Variants in MYO16 observed in about 807,000 individuals in gnomAD.
MYO16 encodes the protein unconventional myosin-XVI.
In MYO16, 94 loss-of-function variants were observed where a neutral mutation model predicts 205.3. The ratio of observed to expected loss-of-function variants is 0.46; its 90% CI spans 0.39 to 0.54. The LOEUF (loss-of-function observed/expected upper bound fraction) is 0.54, where lower values mean the gene tolerates loss of function less well. Ranked by LOEUF, MYO16 falls within the 20% of genes least tolerant of loss-of-function variation. The pLI, the probability that MYO16 is intolerant of heterozygous loss-of-function variation, is 0.00. For synonymous variants in MYO16, 988 were observed against 954.0 expected (o/e 1.04, Z -0.66); for missense variants, 2,315 against 2,387.5 (o/e 0.97, Z 0.63).
In MYO16 at chr13:109,175,879, G is replaced by A. The variant is rs116064081; in HGVS notation, c.5324-3663G>A. Among the ~76,000 whole-genome samples, 514 of 151,894 alleles carry A rather than the reference G, an allele frequency of 3.4e-3. 2 individuals carry two copies. Among genetic ancestry groups the A allele is most frequent in the African/African-American group, 0.012 (475 of 41,230 alleles). ...CGCCGTGGGATTCTCTACCCACGCA[G>A]GACTGTGGGACTTTTCTGGAGGCCT... On this transcript the variant is annotated intron_variant, in intron 33 of 34. Transcript: ENST00000457511.
chr13:108,550,929 C>G, the MYO16 span, among the ~76,000 whole-genome samples: 1 of 152,200 alleles, frequency 6.6e-6, no homozygotes, highest in Non-Finnish European at 1.5e-5. Flanking sequence ...ACATTTTACA[C>G]ATTTGATAAA....
At chr13:109,080,168 T>A (rs2139668058) in intron 27 of MYO16, among the ~76,000 whole-genome samples, 1 of 152,232 alleles carries the variant, frequency 6.6e-6, no homozygotes, top group African/African-American at 2.4e-5. Flanking sequence ...AGCCACCATG[T>A]CCAGCCTGAA....
At position 108,619,859 on chromosome 13, in the gene MYO16, G is replaced by A. The variant is rs188927906; in HGVS notation, c.-39+23620G>A. On this transcript the variant is annotated intron_variant, in intron 1 of 24. Transcript: ENST00000251041. ...AAGTTCATCAGGCAAGGGACGATGCGCGGTGAGGAAGGTAGAAAAAATGTG... is the reference window on the plus strand; with the variant it reads ...AAGTTCATCAGGCAAGGGACGATGCACGGTGAGGAAGGTAGAAAAAATGTG... Among the ~76,000 whole-genome samples, 8 of 152,168 alleles carry A rather than the reference G, an allele frequency of 5.3e-5. No individual in the cohort carries two copies. In the East Asian group the frequency reaches 5.8e-4, roughly 11 times the overall value.
chr13:108,873,289 C>T (rs1566381963), intron 12 of MYO16, among the ~76,000 whole-genome samples: 1 of 152,180 alleles, frequency 6.6e-6, no homozygotes, highest in Non-Finnish European at 1.5e-5. Flanking sequence ...AATGACTTCT[C>T]CATTTCATAT....
the MYO16 span, among the ~76,000 whole-genome samples, chr13:108,517,800 A>G: frequency 6.6e-6 from 1 of 152,172 alleles, no homozygotes; most frequent in Non-Finnish European, 1.5e-5. Flanking sequence ...TATAGACAAC[A>G]TAACTTTAGC....
intron 1 of MYO16, among the ~76,000 whole-genome samples, chr13:108,599,071 T>C (rs1344403115): frequency 6.7e-6 from 1 of 148,184 alleles, no homozygotes; most frequent in Non-Finnish European, 1.5e-5. Context: ...AATTCCAATC[T>C]ATGAGTGAGA....
At chr13:108,765,694 C>T (rs1024506377) in intron 4 of MYO16, among the ~76,000 whole-genome samples, 4 of 152,284 alleles carry the variant, frequency 2.6e-5, no homozygotes, top group Middle Eastern at 3.4e-3. Flanking sequence ...CCATGGCAAA[C>T]GTTTTACTGT....
At chr13:109,192,010 A>G (rs746941950) in intron 34 of MYO16, among the ~76,000 whole-genome samples, 1 of 152,214 alleles carries the variant, frequency 6.6e-6, no homozygotes, top group Non-Finnish European at 1.5e-5. Flanking sequence ...TTGAAAGCGA[A>G]ATTCAGGCTA....
At chr13:108,769,513 C>A (rs1885892023) in intron 4 of MYO16, among the ~76,000 whole-genome samples, 1 of 152,030 alleles carries the variant, frequency 6.6e-6, no homozygotes, top group South Asian at 2.1e-4. Flanking sequence ...GAGGGGGAGG[C>A]AATGAAAAGT....
intron 4 of MYO16, among the ~76,000 whole-genome samples, chr13:108,777,906 C>A (rs1419793952): frequency 1.3e-5 from 2 of 152,296 alleles, no homozygotes; most frequent in East Asian, 1.9e-4. Flanking sequence ...ATCTGCTATT[C>A]CCATATTCTT....
intron 21 of MYO16, among the ~76,000 whole-genome samples, chr13:109,003,457 G>T (rs1594461140): frequency 6.6e-6 from 1 of 152,308 alleles, no homozygotes; most frequent in African/African-American, 2.4e-5. Flanking sequence ...GACGCTGTAG[G>T]TTTTATCAAT....
chr13:108,585,723 AG>A, the MYO16 span, among the ~76,000 whole-genome samples: 1 of 152,188 alleles, frequency 6.6e-6, no homozygotes, highest in East Asian at 1.9e-4. Context: ...CAGATTGAAA[AG>A]TAAGTCACAA....
At chr13:109,116,429 G>A (rs1233092793) in intron 28 of MYO16, among the ~76,000 whole-genome samples, 2 of 151,902 alleles carry the variant, frequency 1.3e-5, no homozygotes, top group Admixed American at 6.6e-5. Flanking sequence ...TTTGTGCTTC[G>A]ATTGCAACGC....
intron 34 of MYO16, among the ~76,000 whole-genome samples, chr13:109,186,378 G>A (rs1288420558): frequency 2.0e-5 from 3 of 152,092 alleles, no homozygotes; most frequent in Non-Finnish European, 4.4e-5. Flanking sequence ...GGTGCCTCAG[G>A]GGGACAGATG....
At chr13:108,528,366 G>T in the MYO16 span, among the ~76,000 whole-genome samples, 3 of 152,132 alleles carry the variant, frequency 2.0e-5, no homozygotes, top group Non-Finnish European at 4.4e-5. Flanking sequence ...TAGAATTTGG[G>T]ATGACAAACG....
At chr13:109,063,264 A>G (rs9521149) in intron 27 of MYO16, among the ~76,000 whole-genome samples, 75,523 of 151,956 alleles carry the variant, frequency 0.5, 18,773 homozygotes, top group Middle Eastern at 0.55. Context: ...TTGATTAAAT[A>G]TAGAAAAGTA....
Position 109,141,365 on chromosome 13 carries a change from G to A in MYO16, c.5153G>A (p.Arg1718Lys). 1.3e-6 allele frequency: 2 copies of A among 1,532,610 alleles called. No individual in the cohort carries two copies. The highest frequency in any genetic ancestry group is 1.8e-6 in the Non-Finnish European group (2 of 1,142,394). 94.9% of individuals were successfully genotyped at this position (1,532,610 alleles called of 1,614,324 possible). A position where few individuals can be genotyped will look rare whatever the true frequency, so the allele number is the denominator to read the frequency against. ...LRKSAAGRKIREAEGFETNMN... is the reference protein window; with the variant it reads ...LRKSAAGRKIKEAEGFETNMN... The stretch of plus-strand genomic sequence containing the variant: ...AAATCCGCGGCGGGAAGAAAAATCA[G>A]GGAAGCAGAAGGTAAGCGGAGCAGA... Residue 1718 changes from arginine to lysine, a missense_variant, in exon 32 of 35, where the codon AGG (arginine) becomes AAG (lysine). Arg to Lys is a conservative substitution (Grantham distance 26). Around this residue, in one of 3 missense-constraint regions of MYO16, gnomAD observed 1,097 missense variants for 1,092.0 expected, o/e 1.00. Coordinates refer to ENST00000457511, the MANE Select transcript of MYO16 (RefSeq NM_001198950.3). This position sits in a 1 kb window ranked among gnomAD's most constrained non-coding sequence, Gnocchi z 4.1.
chr13:108,625,154 C>A (rs562064310), upstream of MYO16, among the ~76,000 whole-genome samples: 2 of 152,262 alleles, frequency 1.3e-5, no homozygotes, highest in East Asian at 3.9e-4. Flanking sequence ...TTCACAATTG[C>A]CCACATCTAA....
intron 23 of MYO16, among the ~76,000 whole-genome samples, chr13:109,046,053 C>G (rs1042128020): frequency 6.6e-6 from 1 of 151,438 alleles, no homozygotes; most frequent in African/African-American, 2.4e-5. Context: ...CATGGCGGAT[C>G]CTCGCCCTCC....
Sources: gnomAD v4.1 joint callset for allele counts (sites outside exome capture counted in the v4.1 genomes callset) on GRCh38, gnomAD v4.1.1 for gene constraint, gnomAD v4.1.1 regional missense constraint, Gnocchi (gnomAD v3.1) non-coding constraint, MANE v1.5 for transcripts, NCBI Gene and HGNC (gene_info 2026-07-23, HGNC 2026-07-21) for gene names.